MBP: variants seen among roughly 807,000 people sequenced by gnomAD.
The protein encoded by MBP is myelin basic protein, also known as Golli-MBP.
In MBP, 16 loss-of-function variants were observed where a neutral mutation model predicts 35.8. That is an observed-to-expected ratio of 0.45 (90% CI 0.30 to 0.68). The LOEUF is 0.68. Ranked by LOEUF, MBP falls within the 30% of genes least tolerant of loss-of-function variation. The pLI is 0.08. For synonymous variants in MBP, 143 were observed against 159.6 expected (o/e 0.90, Z 0.78); for missense variants, 380 against 404.7 (o/e 0.94, Z 0.52).
chr18:77,131,042 C>A lies in MBP; in HGVS notation c.-26+1538G>T, dbSNP rs917871500. 1.1e-3 allele frequency among the ~76,000 whole-genome samples: 128 copies of A among 116,072 alleles called. No individual in the cohort carries two copies. The highest frequency in any genetic ancestry group is 4.7e-3 in the Middle Eastern group (1 of 214). 76.1% of individuals were successfully genotyped at this position (116,072 alleles called of 152,430 possible). Reference sequence around the variant, plus strand: ...TTTTCCCACAAAAAAAAAAAAAAAACAAAACCTCAAAAAACAAAACACACA... The same window carrying A: ...TTTTCCCACAAAAAAAAAAAAAAAAAAAAACCTCAAAAAACAAAACACACA... On this transcript the variant is annotated intron_variant, in intron 1 of 8. Transcript: ENST00000355994. This position sits in a 1 kb window ranked among gnomAD's most constrained non-coding sequence, Gnocchi z 5.5.
At chr18:77,028,586 A>ACCTC (rs1972347974) in intron 3 of MBP, among the ~76,000 whole-genome samples, 1 of 68,384 alleles carries the variant, frequency 1.5e-5, no homozygotes, top group African/African-American at 4.2e-5. Flanking sequence ...GGCGCCCCTC[A>ACCTC]CCTCCCGGAC....
At chr18:77,060,415 T>C (rs1973923695) in intron 3 of MBP, among the ~76,000 whole-genome samples, 1 of 150,880 alleles carries the variant, frequency 6.6e-6, no homozygotes, top group Admixed American at 6.6e-5. Flanking sequence ...TAAAGCATCC[T>C]GTAATGGAGT....
At chr18:77,054,741 G>A (rs1973656402) in intron 3 of MBP, among the ~76,000 whole-genome samples, 1 of 152,136 alleles carries the variant, frequency 6.6e-6, no homozygotes, top group African/African-American at 2.4e-5. Flanking sequence ...TTAGCGGCGG[G>A]TGACACAACC....
At chr18:76,986,037 G>T in intron 7 of MBP, 1 of 985,686 alleles carries the variant, frequency 1.0e-6, no homozygotes, top group Non-Finnish European at 1.2e-6. Context: ...CAAACATGGG[G>T]AGGAAGGGAA....
Position 77,105,193 on chromosome 18 carries a change from G to A in MBP, c.51+18C>T, listed in dbSNP as rs1346873300. On this transcript the variant is annotated intron_variant, in intron 2 of 8. Coordinates refer to ENST00000355994, the MANE Select transcript of MBP (RefSeq NM_001025101.2). ...AAGAAAACAACATGCACATGTTTCG[G>A]ATCAGCTCACGTCTTACCGTACTGG... The A allele has an allele frequency of 6.2e-7, 1 of 1,612,126 alleles. No individual in the cohort carries two copies. The highest frequency in any genetic ancestry group is 1.1e-5 in the South Asian group (1 of 91,030).
intron 4 of MBP, chr18:77,012,860 ATAAAAT>A (rs1344747470): frequency 4.4e-5 from 43 of 985,308 alleles, no homozygotes; most frequent in Non-Finnish European, 5.2e-5. Context: ...AAAGCTCATA[ATAAAAT>A]TAAATCATGA....
chr18:77,054,111 C>T (rs1284766023), intron 3 of MBP, among the ~76,000 whole-genome samples: 1 of 152,262 alleles, frequency 6.6e-6, no homozygotes, highest in Non-Finnish European at 1.5e-5. Flanking sequence ...CCTCCCCGCC[C>T]TGCCCTCCGA....
In MBP at chr18:76,988,590, A is replaced by G. The variant is rs955800720; in HGVS notation, c.718-63T>C. ...CAGTGAAGGGAAAGTCCTTTCAATC[A>G]ACAGGAAACACAGTCAAAGCACAGT... On this transcript the variant is annotated intron_variant, in intron 6 of 8. Transcript: ENST00000355994. The surrounding 1 kb of genome is among the most constrained non-coding windows in gnomAD (Gnocchi z 5.2). The G allele has an allele frequency of 3.2e-6, 5 of 1,573,554 alleles. No homozygotes were observed. In the African/African-American group the frequency reaches 4.1e-5, roughly 13 times the overall value.
At chr18:77,099,716 A>G (rs1266033916) in intron 2 of MBP, among the ~76,000 whole-genome samples, 1 of 152,216 alleles carries the variant, frequency 6.6e-6, no homozygotes, top group Non-Finnish European at 1.5e-5. Flanking sequence ...GGTCCTAAGT[A>G]TGGGGAGGGC....
chr18:77,014,632 T>C, intron 4 of MBP: 8 of 985,384 alleles, frequency 8.1e-6, no homozygotes, highest in Non-Finnish European at 9.6e-6. Flanking sequence ...ATACCCCAGA[T>C]TTTTAGGGCC....
At chr18:77,021,734 C>T (rs1184622514) in intron 3 of MBP, among the ~76,000 whole-genome samples, 3 of 152,168 alleles carry the variant, frequency 2.0e-5, no homozygotes, top group South Asian at 2.1e-4. Context: ...CCACCTGCCT[C>T]GGCCCCGCAA....
At chr18:77,090,497 A>G (rs1975463843) in intron 2 of MBP, among the ~76,000 whole-genome samples, 1 of 152,192 alleles carries the variant, frequency 6.6e-6, no homozygotes, top group African/African-American at 2.4e-5. Flanking sequence ...TTCCTCGCCA[A>G]CAAAACACTG....
intron 3 of MBP, among the ~76,000 whole-genome samples, chr18:77,064,088 G>T (rs1467545319): frequency 6.6e-6 from 1 of 152,080 alleles, no homozygotes; most frequent in Non-Finnish European, 1.5e-5. Flanking sequence ...ACCTAAATTT[G>T]GACATTTGTC....
At chr18:77,054,682 C>A (rs976535148) in intron 3 of MBP, among the ~76,000 whole-genome samples, 2 of 152,220 alleles carry the variant, frequency 1.3e-5, no homozygotes, top group Non-Finnish European at 2.9e-5. Flanking sequence ...AGAAATAGTG[C>A]TCCTCATTTT....
intron 2 of MBP, among the ~76,000 whole-genome samples, chr18:77,088,781 C>T (rs1312711633): frequency 1.3e-5 from 2 of 152,158 alleles, no homozygotes; most frequent in Non-Finnish European, 2.9e-5. Context: ...TGGGTTGTGT[C>T]CCTTTTCCCC....
rs1159383442 is a variant in MBP at position 77,131,482 on chromosome 18, C to T, written c.-26+1098G>A. The T allele has an allele frequency of 6.6e-6, 1 of 152,054 alleles. No homozygotes were observed. The highest frequency in any genetic ancestry group is 2.4e-5 in the African/African-American group (1 of 41,382). The allele number at this position is 152,054 out of a possible 1,614,324, so 9.4% of individuals were successfully genotyped here. ...GCCCCCTCCCCACCCCAGCACCCAG[C>T]GAGCCCACGCGCCCCTCACCCACGC... On this transcript the variant is annotated intron_variant, in intron 1 of 8. Transcript: ENST00000355994. The surrounding 1 kb of genome is among the most constrained non-coding windows in gnomAD (Gnocchi z 5.5).
Position 77,080,004 on chromosome 18 carries a change from G to A in MBP, c.52-13619C>T, listed in dbSNP as rs567386935. Reference sequence around the variant, plus strand: ...GTATTTTATGTGGATGGAAAAAAACGCATGTTTTTTAAACCTAAATCTGGT... The same window carrying A: ...GTATTTTATGTGGATGGAAAAAAACACATGTTTTTTAAACCTAAATCTGGT... On this transcript the variant is annotated intron_variant, in intron 2 of 8. Coordinates refer to ENST00000355994, the MANE Select transcript of MBP (RefSeq NM_001025101.2). Among the ~76,000 whole-genome samples, 225 of 152,264 alleles carry A rather than the reference G, an allele frequency of 1.5e-3. 1 individual carries two copies. The highest frequency in any genetic ancestry group is 2.1e-3 in the Non-Finnish European group (141 of 68,010).
intron 4 of MBP, among the ~76,000 whole-genome samples, chr18:77,007,891 G>A (rs1599046799): frequency 6.6e-6 from 1 of 152,228 alleles, no homozygotes; most frequent in African/African-American, 2.4e-5. Flanking sequence ...GGATGAAACT[G>A]TGGAGAACAG....
At chr18:77,002,584 C>T (rs182797703) in intron 4 of MBP, among the ~76,000 whole-genome samples, 1 of 152,332 alleles carries the variant, frequency 6.6e-6, no homozygotes, top group Non-Finnish European at 1.5e-5. Flanking sequence ...GAGGTGTGAT[C>T]GTAAACCAAA....
Sources: allele counts gnomAD v4.1 joint callset (sites outside exome capture counted in the v4.1 genomes callset), GRCh38; gene constraint gnomAD v4.1.1; non-coding constraint Gnocchi (gnomAD v3.1); transcripts MANE v1.5; gene names NCBI Gene and HGNC (gene_info 2026-07-23, HGNC 2026-07-21).